PLPPR5: variants seen among roughly 807,000 people sequenced by gnomAD.
PLPPR5 encodes the protein phospholipid phosphatase related 5.
A neutral mutation model predicts 33.9 loss-of-function variants in PLPPR5; 16 were observed. The ratio of observed to expected loss-of-function variants is 0.47; its 90% CI spans 0.32 to 0.72. The LOEUF (loss-of-function observed/expected upper bound fraction) is 0.72. PLPPR5 is among the 30% of genes least tolerant of loss of function. The pLI, the probability that PLPPR5 is intolerant of heterozygous loss-of-function variation, is 0.03. For synonymous variants in PLPPR5, 163 were observed against 150.3 expected, an observed-to-expected ratio of 1.08 and a Z score of -0.62; for missense variants, 301 against 406.7, an observed-to-expected ratio of 0.74 and a Z score of 2.23.
intron 3 of PLPPR5, among the ~76,000 whole-genome samples, chr1:98,936,396 T>C (rs1446744234): frequency 6.6e-6 from 1 of 152,132 alleles, no homozygotes; most frequent in Non-Finnish European, 1.5e-5. Flanking sequence ...AGCCATAGAC[T>C]CAGCTAGAGA....
intron 2 of PLPPR5, among the ~76,000 whole-genome samples, chr1:98,954,205 A>G (rs966163103): frequency 2.0e-5 from 3 of 152,168 alleles, no homozygotes; most frequent in Admixed American, 2.0e-4. Context: ...TTTTTCTATT[A>G]TACGGGCAAA....
intron 3 of PLPPR5, among the ~76,000 whole-genome samples, chr1:98,934,831 A>G (rs1166405417): frequency 6.6e-6 from 1 of 152,180 alleles, no homozygotes; most frequent in Admixed American, 6.5e-5. Flanking sequence ...CATTTTTATG[A>G]GAGATTTAAA....
intron 5 of PLPPR5, among the ~76,000 whole-genome samples, chr1:98,896,235 C>T (rs948739334): frequency 4.6e-5 from 7 of 152,010 alleles, no homozygotes; most frequent in Non-Finnish European, 1.0e-4. Context: ...CTATTCACTT[C>T]CCAGCAGTAT....
intron 1 of PLPPR5, among the ~76,000 whole-genome samples, chr1:98,998,745 C>A (rs924221253): frequency 2.6e-5 from 4 of 152,126 alleles, no homozygotes; most frequent in African/African-American, 9.7e-5. Context: ...AAATCTCTTT[C>A]ATAAATTTGT....
chr1:98,907,965 C>T (rs1557664677), intron 5 of PLPPR5, among the ~76,000 whole-genome samples: 1 of 152,180 alleles, frequency 6.6e-6, no homozygotes, highest in Non-Finnish European at 1.5e-5. Flanking sequence ...ATCCAGTTCA[C>T]AAAAGGTTTC....
chr1:98,917,009 C>T (rs916111438), intron 4 of PLPPR5, among the ~76,000 whole-genome samples: 3 of 152,122 alleles, frequency 2.0e-5, no homozygotes, highest in Non-Finnish European at 2.9e-5. Flanking sequence ...ACTAAGTTAA[C>T]GTCATTTCTT....
intron 3 of PLPPR5, among the ~76,000 whole-genome samples, chr1:98,949,243 G>T (rs1650684668): frequency 6.6e-6 from 1 of 150,630 alleles, no homozygotes; most frequent in Non-Finnish European, 1.5e-5. Flanking sequence ...GAGAACCAAT[G>T]GTACTTACAA....
intron 1 of PLPPR5, among the ~76,000 whole-genome samples, chr1:98,960,951 T>A (rs1299303145): frequency 1.3e-5 from 2 of 152,220 alleles, no homozygotes; most frequent in African/African-American, 2.4e-5. Flanking sequence ...ATGGGATACC[T>A]CCAATTTGCA....
At chr1:98,929,639 T>C (rs777705675) in intron 3 of PLPPR5, among the ~76,000 whole-genome samples, 12 of 152,298 alleles carry the variant, frequency 7.9e-5, no homozygotes, top group Non-Finnish European at 1.6e-4. Flanking sequence ...AAAGGCCGAT[T>C]GATGGTTTGG....
At chr1:98,931,661 G>A (rs1649970803) in intron 3 of PLPPR5, among the ~76,000 whole-genome samples, 1 of 152,118 alleles carries the variant, frequency 6.6e-6, no homozygotes, top group Non-Finnish European at 1.5e-5. Flanking sequence ...AGCTGAAAAT[G>A]ACTCAGTGTG....
At chr1:98,974,039 G>A (rs977830519) in intron 1 of PLPPR5, among the ~76,000 whole-genome samples, 5 of 151,862 alleles carry the variant, frequency 3.3e-5, no homozygotes, top group African/African-American at 1.2e-4. Flanking sequence ...TAAAGCCGCG[G>A]GAAAGCAAAA....
chr1:98,932,041 G>A (rs1649995821), intron 3 of PLPPR5, among the ~76,000 whole-genome samples: 1 of 152,148 alleles, frequency 6.6e-6, no homozygotes, highest in African/African-American at 2.4e-5. Flanking sequence ...ATGGGTGGAA[G>A]GTGAAAGTGC....
intron 1 of PLPPR5, among the ~76,000 whole-genome samples, chr1:98,998,741 CTT>C (rs1652720899): frequency 6.6e-6 from 1 of 152,130 alleles, no homozygotes; most frequent in African/African-American, 2.4e-5. Flanking sequence ...TTCCAAATCT[CTT>C]TCATAAATTT....
intron 4 of PLPPR5, among the ~76,000 whole-genome samples, chr1:98,920,159 G>A (rs994805832): frequency 3.9e-5 from 6 of 152,112 alleles, no homozygotes; most frequent in Non-Finnish European, 5.9e-5. Context: ...CACCAGACAG[G>A]GAAGTGACTT....
chr1:98,954,922 A>G (rs1391128783), intron 2 of PLPPR5, among the ~76,000 whole-genome samples: 1 of 151,414 alleles, frequency 6.6e-6, no homozygotes, highest in East Asian at 2.0e-4. Flanking sequence ...GAAATATTTG[A>G]TAAGAATGTG....
At chr1:98,953,392 T>TGTGTGTGTGTGTGTGTGTGTGTGA in intron 2 of PLPPR5, 72 bp from the exon 3 acceptor site, 2 of 1,477,094 alleles carry the variant, frequency 1.4e-6, no homozygotes, top group South Asian at 2.6e-5. Flanking sequence ...TGTGTGTGTG[T>TGTGTGTGTGTGTGTGTGTGTGTGA]GTGAATTTCA....
intron 1 of PLPPR5, among the ~76,000 whole-genome samples, chr1:98,974,860 C>G (rs1651789700): frequency 6.6e-6 from 1 of 152,008 alleles, no homozygotes; most frequent in South Asian, 2.1e-4. Context: ...TACTTTGCAC[C>G]TCAGTTGCTC....
At chr1:98,953,511 AGTG>A (rs764783179) in intron 2 of PLPPR5, among the ~76,000 whole-genome samples, 191 bp from the exon 3 acceptor site, 8 of 151,982 alleles carry the variant, frequency 5.3e-5, no homozygotes, top group Non-Finnish European at 8.8e-5. Flanking sequence ...GGCTTTCTGG[AGTG>A]GTGAAAGTGG....
At chr1:98,987,141 A>T (rs1652290149) in intron 1 of PLPPR5, among the ~76,000 whole-genome samples, 1 of 151,798 alleles carries the variant, frequency 6.6e-6, no homozygotes, top group East Asian at 1.9e-4. Flanking sequence ...GATACTGACA[A>T]ACTTCCCAAA....
Sources: allele counts gnomAD v4.1 joint callset (sites outside exome capture counted in the v4.1 genomes callset), GRCh38; gene constraint gnomAD v4.1.1; transcripts MANE v1.5; gene names NCBI Gene and HGNC (gene_info 2026-07-23, HGNC 2026-07-21).